The following COL5A1 variants were observed in gnomAD, a reference collection of about 807,000 sequenced individuals.
COL5A1 encodes collagen alpha-1(V) chain.
Under a neutral mutation model 263.7 loss-of-function variants are expected in COL5A1, and 16 were observed. The ratio of observed to expected loss-of-function variants is 0.06; its 90% CI spans 0.04 to 0.09. COL5A1 has a LOEUF of 0.09. COL5A1 is among the 10% of genes least tolerant of loss of function. The probability of loss-of-function intolerance (pLI) is 1.00; values close to 1 mark genes in which losing one functional copy is unlikely to be tolerated. For synonymous variants in COL5A1, 1,012 were observed against 1,004.5 expected, an observed-to-expected ratio of 1.01 and a Z score of -0.14; for missense variants, 2,036 against 2,540.5, an observed-to-expected ratio of 0.80 and a Z score of 4.27.
At chr9:134,709,970 C>T (rs1485650705) in intron 4 of COL5A1, among the ~76,000 whole-genome samples, 1 of 152,144 alleles carries the variant, frequency 6.6e-6, no homozygotes, top group Non-Finnish European at 1.5e-5. Flanking sequence ...GAGCCGCCCA[C>T]CTGAGCGGAG....
chr9:134,679,679 T>TAA (rs1429796215), intron 1 of COL5A1, among the ~76,000 whole-genome samples: 1 of 27,046 alleles, frequency 3.7e-5, no homozygotes, highest in South Asian at 1.4e-3. Flanking sequence ...CGGGGCTTCT[T>TAA]GGGGCACTGC....
At chr9:134,713,502 A>G (rs1834141343) in intron 4 of COL5A1, among the ~76,000 whole-genome samples, 3 of 152,246 alleles carry the variant, frequency 2.0e-5, no homozygotes, top group Non-Finnish European at 4.4e-5. Flanking sequence ...TGGTTGACAG[A>G]ATGAAGACTC....
At chr9:134,759,605 C>CA in intron 18 of COL5A1, among the ~76,000 whole-genome samples, 1 of 131,572 alleles carries the variant, frequency 7.6e-6, no homozygotes, top group African/African-American at 3.1e-5. Flanking sequence ...CACCCCCACA[C>CA]CCCCACACAC....
At chr9:134,769,583 C>T (rs1025055448) in intron 25 of COL5A1, among the ~76,000 whole-genome samples, 9 of 152,244 alleles carry the variant, frequency 5.9e-5, no homozygotes, top group Admixed American at 2.6e-4. Flanking sequence ...AGCGGGTGGA[C>T]GTGTGTCCTT....
At chr9:134,798,533 G>T in intron 37 of COL5A1, 72 bp downstream of exon 37, 1 of 1,435,752 alleles carries the variant, frequency 7.0e-7, no homozygotes, top group Non-Finnish European at 9.8e-7. Context: ...CACAGCCCTC[G>T]CTGCCCAGCG....
At chr9:134,756,648 T>TG (rs1157236238) in intron 16 of COL5A1, 117 bp from the exon 17 acceptor site, 1 of 1,123,350 alleles carries the variant, frequency 8.9e-7, no homozygotes, top group Non-Finnish European at 1.4e-6. Flanking sequence ...GCTGTGACCT[T>TG]GGGGGTGGGC....
At chr9:134,655,209 C>T (rs978547850) in intron 1 of COL5A1, among the ~76,000 whole-genome samples, 1 of 150,906 alleles carries the variant, frequency 6.6e-6, no homozygotes, top group Non-Finnish European at 1.5e-5. Flanking sequence ...TTGGGCCGGG[C>T]GTCTGTAGGG....
At position 134,728,739 on chromosome 9, in the gene COL5A1, C is replaced by G. The variant is rs140383112; in HGVS notation, c.856C>G (p.Leu286Val). The G allele has an allele frequency of 1.2e-6, 2 of 1,614,088 alleles. No homozygotes were observed. The highest frequency in any genetic ancestry group is 2.7e-5 in the African/African-American group (2 of 74,932). Residue 286 changes from leucine (L) to valine (V), a missense_variant, in exon 6 of 66, where the codon CTA becomes GTA. By Grantham distance (32) the Leu-to-Val change is conservative (BLOSUM62 1). This residue lies in a region of COL5A1 where 600 missense variants were observed against 634.5 expected (regional missense o/e 0.95). Transcript: ENST00000371817. ...CCCCTACTACGAAGACCCCGAAGAC[C>G]TAGGGAAGGAGCCCACCCCCAGCAA... ...EYPYYEDPED[L>V]GKEPTPSKKP...
At chr9:134,718,858 G>T (rs1258590621) in intron 4 of COL5A1, among the ~76,000 whole-genome samples, 1 of 152,196 alleles carries the variant, frequency 6.6e-6, no homozygotes, top group Admixed American at 6.5e-5. Flanking sequence ...GTGGAAAGGA[G>T]ACCTTGCCTT....
intron 11 of COL5A1, among the ~76,000 whole-genome samples, chr9:134,743,874 C>T (rs1835378320): frequency 6.6e-6 from 1 of 152,154 alleles, no homozygotes. Context: ...CCCTGAAAAA[C>T]AGCAGTCACT....
At chr9:134,685,226 CCCATCCATCCATTCAT>C (rs1832994074) in intron 1 of COL5A1, among the ~76,000 whole-genome samples, 2 of 25,884 alleles carry the variant, frequency 7.7e-5, no homozygotes, top group South Asian at 2.5e-3. Flanking sequence ...CATCCATTCA[CCCATCCATCCATTCAT>C]CCATCCATCC....
At position 134,757,785 on chromosome 9, in the gene COL5A1, G is replaced by A. The variant is rs1292697116; in HGVS notation, c.1882-458G>A. Among the ~76,000 whole-genome samples the A allele has an allele frequency of 6.6e-6, 1 of 152,194 alleles. No homozygotes were observed. Among genetic ancestry groups the A allele is most frequent in the Non-Finnish European group, 1.5e-5 (1 of 68,038 alleles). ...GGCCAGAGAGCCAGGATGCCTGAGG[G>A]TAGCCAGTGCTGGCCCGTCCACCAA... is the stretch of plus-strand genomic sequence containing the variant. On this transcript the variant is annotated intron_variant, in intron 17 of 65. Coordinates refer to ENST00000371817, the MANE Select transcript of COL5A1 (RefSeq NM_000093.5). The surrounding 1 kb of genome is among the most constrained non-coding windows in gnomAD (Gnocchi z 6.2).
At chr9:134,701,590 C>G (rs992060020) in intron 4 of COL5A1, among the ~76,000 whole-genome samples, 1 of 152,218 alleles carries the variant, frequency 6.6e-6, no homozygotes, top group Admixed American at 6.5e-5. Flanking sequence ...GGGCCCAGTA[C>G]GTGAGTCTCC....
At chr9:134,654,522 CAGGGCTGGGTGTGTGT>C (rs1564367847) in intron 1 of COL5A1, among the ~76,000 whole-genome samples, 8 of 34,664 alleles carry the variant, frequency 2.3e-4, no homozygotes, top group Admixed American at 4.1e-4. Context: ...TGGAGGTGTG[CAGGGCTGGGTGTGTGT>C]AGGGCTGGGT....
At chr9:134,751,427 C>T (rs1221810910) in intron 13 of COL5A1, among the ~76,000 whole-genome samples, 7 of 152,208 alleles carry the variant, frequency 4.6e-5, no homozygotes, top group South Asian at 2.1e-4. Context: ...GAAGTGGAGC[C>T]GGAAACCCAC....
At chr9:134,763,550 C>G in intron 19 of COL5A1, 143 bp from the exon 20 acceptor site, 1 of 840,496 alleles carries the variant, frequency 1.2e-6, no homozygotes, top group Admixed American at 1.8e-5. Flanking sequence ...ACATTCCAGG[C>G]CTTTCCGGCT....
At chr9:134,750,948 T>A in intron 13 of COL5A1, 66 bp downstream of exon 13, 1 of 1,380,278 alleles carries the variant, frequency 7.2e-7, no homozygotes, top group Non-Finnish European at 1.0e-6. Flanking sequence ...CCAACAGGAG[T>A]GAGTGAGTCA....
At chr9:134,815,743 G>C in intron 51 of COL5A1, 114 bp downstream of exon 51, 1 of 1,326,046 alleles carries the variant, frequency 7.5e-7, no homozygotes, top group Non-Finnish European at 1.1e-6. Context: ...ACTGGGGCAG[G>C]CAATGTCCCA....
At chr9:134,655,399 C>T (rs2132485194) in intron 1 of COL5A1, among the ~76,000 whole-genome samples, 1 of 152,110 alleles carries the variant, frequency 6.6e-6, no homozygotes, top group Non-Finnish European at 1.5e-5. Context: ...GTGTCCCATA[C>T]CTTTAGCCTC....
Sources: gnomAD v4.1 joint callset for allele counts (sites outside exome capture counted in the v4.1 genomes callset) on GRCh38, gnomAD v4.1.1 for gene constraint, gnomAD v4.1.1 regional missense constraint, Gnocchi (gnomAD v3.1) non-coding constraint, MANE v1.5 for transcripts, NCBI Gene and HGNC (gene_info 2026-07-23, HGNC 2026-07-21) for gene names.